FAM81A: variants seen among roughly 807,000 people sequenced by gnomAD.
The protein encoded by FAM81A is protein FAM81A.
FAM81A carries 19 observed loss-of-function variants against 46.7 expected under a neutral mutation model. The observed-to-expected ratio is 0.41, with a 90% confidence interval of 0.28 to 0.60. FAM81A has a LOEUF of 0.60. Among genes scored for constraint, FAM81A ranks in the 20% least tolerant of loss-of-function variants. FAM81A has a pLI of 0.34. For synonymous variants in FAM81A, 183 were observed against 152.9 expected, an observed-to-expected ratio of 1.20 and a Z score of -1.45; for missense variants, 377 against 453.5, an observed-to-expected ratio of 0.83 and a Z score of 1.53.
intron 1 of FAM81A, among the ~76,000 whole-genome samples, chr15:59,440,285 G>C (rs533387936): frequency 1.3e-5 from 2 of 152,024 alleles, no homozygotes; most frequent in African/African-American, 2.4e-5. Context: ...GGGGCAGGGT[G>C]GGGGAGTAAG....
chr15:59,472,286 C>T (rs953216197), intron 3 of FAM81A, among the ~76,000 whole-genome samples: 2 of 151,910 alleles, frequency 1.3e-5, no homozygotes, highest in African/African-American at 2.4e-5. Context: ...TGCAGTGAGC[C>T]GTAGTCATGC....
At chr15:59,414,843 T>A (rs775147022) in intron 2 of FAM81A, among the ~76,000 whole-genome samples, 13 of 151,636 alleles carry the variant, frequency 8.6e-5, no homozygotes, top group African/African-American at 3.2e-4. Context: ...TGAGATGGAG[T>A]CTCGCTCTGT....
At chr15:59,493,617 T>G (rs1453149190) in intron 4 of FAM81A, among the ~76,000 whole-genome samples, 2 of 152,176 alleles carry the variant, frequency 1.3e-5, no homozygotes, top group Non-Finnish European at 2.9e-5. Flanking sequence ...GAGACAATTC[T>G]CACTCTGTCT....
At chr15:59,490,485 A>G (rs1303631296) in intron 3 of FAM81A, among the ~76,000 whole-genome samples, 1 of 152,216 alleles carries the variant, frequency 6.6e-6, no homozygotes, top group Non-Finnish European at 1.5e-5. Context: ...AAACACAGGT[A>G]TATGAAAAGG....
chr15:59,438,345 C>G (rs1448667461), intron 1 of FAM81A, 63 bp downstream of exon 1: 1 of 152,140 alleles, frequency 6.6e-6, no homozygotes, highest in African/African-American at 2.4e-5. Flanking sequence ...CGGGAGCTCT[C>G]TGGGACGGCC....
chr15:59,446,240 A>G (rs760476513), intron 1 of FAM81A, among the ~76,000 whole-genome samples: 12 of 152,264 alleles, frequency 7.9e-5, no homozygotes, highest in Non-Finnish European at 1.3e-4. Context: ...GAAGATTTAA[A>G]TAGCATTTCA....
At chr15:59,479,382 G>C (rs1484647843) in intron 3 of FAM81A, among the ~76,000 whole-genome samples, 1 of 151,868 alleles carries the variant, frequency 6.6e-6, no homozygotes. Context: ...GTGGTGGCAC[G>C]TGCCTGTACT....
chr15:59,488,327 A>C (rs1411950828), intron 3 of FAM81A, among the ~76,000 whole-genome samples: 1 of 152,202 alleles, frequency 6.6e-6, no homozygotes, highest in Non-Finnish European at 1.5e-5. Context: ...CTAAATGGAG[A>C]AGACAGGAAA....
intron 3 of FAM81A, among the ~76,000 whole-genome samples, chr15:59,475,874 A>G (rs1297462166): frequency 6.6e-6 from 1 of 152,238 alleles, no homozygotes; most frequent in African/African-American, 2.4e-5. Context: ...TTGCTGTCTT[A>G]TAGCCAAACT....
At chr15:59,429,703 G>A (rs1417817423) in intron 2 of FAM81A, among the ~76,000 whole-genome samples, 1 of 152,144 alleles carries the variant, frequency 6.6e-6, no homozygotes, top group Non-Finnish European at 1.5e-5. Context: ...TAAAAAGAAT[G>A]TTTTGACTTT....
intron 3 of FAM81A, among the ~76,000 whole-genome samples, chr15:59,465,381 T>C (rs1210726747): frequency 6.6e-6 from 1 of 152,192 alleles, no homozygotes; most frequent in Non-Finnish European, 1.5e-5. Flanking sequence ...CAAGTGTTTC[T>C]CCTGCCTCAG....
intron 3 of FAM81A, among the ~76,000 whole-genome samples, chr15:59,490,418 TA>T (rs2081968624): frequency 6.6e-6 from 1 of 152,058 alleles, no homozygotes; most frequent in African/African-American, 2.4e-5. Context: ...ATAATCTGTT[TA>T]AAAAATGGGC....
intron 3 of FAM81A, among the ~76,000 whole-genome samples, chr15:59,481,720 TA>T (rs1567062831): frequency 6.6e-6 from 1 of 152,026 alleles, no homozygotes; most frequent in Non-Finnish European, 1.5e-5. Context: ...TTATTTCATT[TA>T]ATATTAATTC....
chr15:59,413,189 G>C, intron 2 of FAM81A, among the ~76,000 whole-genome samples: 1 of 152,104 alleles, frequency 6.6e-6, no homozygotes, highest in East Asian at 1.9e-4. Flanking sequence ...GGAGATGGGG[G>C]AACATGGCTT....
chr15:59,507,453 G>C (rs141494559), intron 5 of FAM81A, 111 bp downstream of exon 5: 1 of 1,351,518 alleles, frequency 7.4e-7, no homozygotes. Context: ...TCTAGCATGG[G>C]TTTATGCCAA....
At chr15:59,465,536 G>A (rs1297811344) in intron 3 of FAM81A, among the ~76,000 whole-genome samples, 1 of 152,172 alleles carries the variant, frequency 6.6e-6, no homozygotes, top group Non-Finnish European at 1.5e-5. Context: ...GCCTCCCAAA[G>A]TGCTGGGATT....
At chr15:59,508,246 A>ATTCT (rs1321882626) in intron 5 of FAM81A, among the ~76,000 whole-genome samples, 1 of 152,244 alleles carries the variant, frequency 6.6e-6, no homozygotes, top group Non-Finnish European at 1.5e-5. Context: ...CAAAAGAGAC[A>ATTCT]TTCTTTCTCT....
rs139757820 is a variant in FAM81A, at chr15:59,505,996, C to G, written c.414-1217C>G. On this transcript the variant is annotated intron_variant, in intron 4 of 8. Coordinates refer to ENST00000288228, the MANE Select transcript of FAM81A (RefSeq NM_152450.3). ...TTAGAAATTCTGTCTTCCTAACAAT[C>G]TTTAGGGCTACTCCTAAGTGGACTT... 4.0e-3 allele frequency among the ~76,000 whole-genome samples: 615 copies of G among 152,192 alleles called. 3 individuals carry two copies. Among genetic ancestry groups the G allele is most frequent in the Middle Eastern group, 0.014 (4 of 294 alleles).
chr15:59,487,944 AAAAAC>A (rs202169241), intron 3 of FAM81A, among the ~76,000 whole-genome samples: 13,038 of 151,474 alleles, frequency 0.086, 680 homozygotes, highest in African/African-American at 0.15. Context: ...GATGCAAAAC[AAAAAC>A]AAAAACAACA....
Sources: gnomAD v4.1 joint callset for allele counts (sites outside exome capture counted in the v4.1 genomes callset) on GRCh38, gnomAD v4.1.1 for gene constraint, MANE v1.5 for transcripts, NCBI Gene and HGNC (gene_info 2026-07-23, HGNC 2026-07-21) for gene names.